The following SUSD5 variants were observed in gnomAD, a reference collection of about 807,000 sequenced individuals.
The protein encoded by SUSD5 is sushi domain containing 5.
SUSD5 carries 33 observed loss-of-function variants against 29.5 expected under a neutral mutation model. The ratio of observed to expected loss-of-function variants is 1.12; its 90% CI spans 0.85 to 1.49. SUSD5 has a LOEUF of 1.49. SUSD5 is among the 40% of genes most tolerant of loss of function. The pLI is 0.00. For synonymous variants in SUSD5, 308 were observed against 325.3 expected (o/e 0.95, Z 0.57); for missense variants, 776 against 800.6 (o/e 0.97, Z 0.37).
At chr3:33,157,962 AAC>A (rs2031091401) in intron 4 of SUSD5, among the ~76,000 whole-genome samples, 1 of 151,858 alleles carries the variant, frequency 6.6e-6, no homozygotes. Context: ...AAAGCTAACT[AAC>A]ACACTAGCAA....
At chr3:33,208,452 T>C (rs1251290512) in intron 2 of SUSD5, among the ~76,000 whole-genome samples, 1 of 152,172 alleles carries the variant, frequency 6.6e-6, no homozygotes, top group Non-Finnish European at 1.5e-5. Flanking sequence ...CAGCAAATAC[T>C]TGAATTTTTA....
At chr3:33,157,050 A>T (rs974784656) in intron 4 of SUSD5, among the ~76,000 whole-genome samples, 1 of 152,232 alleles carries the variant, frequency 6.6e-6, no homozygotes, top group African/African-American at 2.4e-5. Context: ...GACCATTCTA[A>T]TGAGCCTTGT....
At chr3:33,169,714 G>C (rs1290766066) in intron 4 of SUSD5, among the ~76,000 whole-genome samples, 1 of 152,144 alleles carries the variant, frequency 6.6e-6, no homozygotes, top group Non-Finnish European at 1.5e-5. Context: ...ATCAGGGAAG[G>C]GAAAAACAAA....
chr3:33,190,433 AT>A, intron 3 of SUSD5: 2 of 152,530 alleles, frequency 1.3e-5, no homozygotes, highest in South Asian at 4.1e-4. Flanking sequence ...TAGCTTGTTA[AT>A]TTAACATTAT....
chr3:33,174,305 T>C (rs1339421096), intron 4 of SUSD5, among the ~76,000 whole-genome samples: 2 of 152,054 alleles, frequency 1.3e-5, no homozygotes, highest in African/African-American at 4.8e-5. Context: ...ATTGCTCAGG[T>C]GGATCAGAAC....
chr3:33,171,968 T>C (rs1020529923), intron 4 of SUSD5, among the ~76,000 whole-genome samples: 1 of 152,158 alleles, frequency 6.6e-6, no homozygotes. Flanking sequence ...GTTGAGACAG[T>C]GTTTACTCAA....
chr3:33,153,077 G>A lies in SUSD5; in HGVS notation c.1555C>T (p.Gln519Ter), dbSNP rs752423659. The A allele has an allele frequency of 3.1e-6, 5 of 1,613,902 alleles. No individual in the cohort carries two copies. Among genetic ancestry groups the A allele is most frequent in the Non-Finnish European group, 4.2e-6 (5 of 1,179,844 alleles). ...HIPSTIMATT[Q>*]PPVETTVPEI... ...GGAACAGTGGTTTCTACTGGAGGCT[G>A]GGTGGTTGCCATGATCGTTGAGGGG... The change falls in exon 5 of 5, where the codon CAG (glutamine) becomes TAG (stop). Residue 519 changes from glutamine to a stop codon, truncating the protein, a stop_gained. Coordinates refer to ENST00000309558, the MANE Select transcript of SUSD5 (RefSeq NM_015551.2). LOFTEE classifies it high-confidence loss of function.
chr3:33,218,709 G>A lies in SUSD5; in HGVS notation c.89C>T (p.Pro30Leu), dbSNP rs578116304. 5.3e-6 allele frequency: 7 copies of A among 1,323,140 alleles called. No individual in the cohort carries two copies. Among genetic ancestry groups the A allele is most frequent in the East Asian group, 3.1e-5 (1 of 32,182 alleles). 82.0% of individuals were successfully genotyped at this position (1,323,140 alleles called of 1,614,324 possible). A position where few individuals can be genotyped will look rare whatever the true frequency, so the allele number is the denominator to read the frequency against. Residue 30 changes from proline to leucine, a missense_variant, in exon 1 of 5, where the codon CCG becomes CTG. By Grantham distance (98) the Pro-to-Leu change is moderately conservative. Coordinates refer to ENST00000309558, the MANE Select transcript of SUSD5 (RefSeq NM_015551.2). ...ACCATCCGCCCGCACCGAAAGGCGC[G>A]GCAGACCGAGCAGGAGCAGCGCCGC... Reference protein sequence around the residue: ...WAAALLLLGLPRLSVRADGKF... With the variant: ...WAAALLLLGLLRLSVRADGKF...
At chr3:33,197,936 A>G (rs2032025483) in intron 3 of SUSD5, among the ~76,000 whole-genome samples, 1 of 152,058 alleles carries the variant, frequency 6.6e-6, no homozygotes, top group Admixed American at 6.6e-5. Context: ...ATATTTGTGT[A>G]CCCATTTTTG....
rs1234070467 is a variant in SUSD5, at chr3:33,175,023, C to T, written c.461G>A (p.Arg154His). 10 of 1,614,038 alleles carry T rather than the reference C, an allele frequency of 6.2e-6. No individual in the cohort carries two copies. Among genetic ancestry groups the T allele is most frequent in the South Asian group, 2.2e-5 (2 of 91,088 alleles). ...PSFPHTILQG[R>H]TGLEMGDELL... ...TTCATCCCCCATTTCCAAGCCGGTG[C>T]GGCCCTGCAGGATGGTGTGTGGGAA... The change falls in exon 4 of 5, where the codon CGC (arginine) becomes CAC (histidine). Residue 154 changes from arginine (R) to histidine (H), a missense_variant. Arg to His is a conservative substitution (Grantham distance 29, BLOSUM62 0). Transcript: ENST00000309558.
Position 33,153,840 on chromosome 3 carries a change from T to TTTATCCCGGGCTATG in SUSD5, c.777_791dup (p.Asn259_Asp263dup), listed in dbSNP as rs2030981774. On this transcript the variant is annotated inframe_insertion, in exon 5 of 5. Transcript: ENST00000309558. ...GCAAGCCTGTGGTTGGCACAAAGAC[T>TTTATCCCGGGCTATG]TTATCCCGGGCTATGTTTTCTCTCC... The TTTATCCCGGGCTATG allele has an allele frequency of 6.2e-7, 1 of 1,613,906 alleles. No individual in the cohort carries two copies. Among genetic ancestry groups the TTTATCCCGGGCTATG allele is most frequent in the Non-Finnish European group, 8.5e-7 (1 of 1,179,888 alleles).
chr3:33,159,657 T>C (rs752751706), intron 4 of SUSD5, among the ~76,000 whole-genome samples: 7 of 151,896 alleles, frequency 4.6e-5, no homozygotes, highest in Non-Finnish European at 8.8e-5. Flanking sequence ...CGTATATTTT[T>C]CCCTCCCCCA....
At chr3:33,163,016 A>C (rs1337458451) in intron 4 of SUSD5, among the ~76,000 whole-genome samples, 2 of 152,124 alleles carry the variant, frequency 1.3e-5, no homozygotes, top group African/African-American at 2.4e-5. Context: ...ACAAGAGGAA[A>C]TAGAAAAATT....
At chr3:33,218,558 G>A (rs2032466193) in intron 1 of SUSD5, 128 bp downstream of exon 1, 5 of 873,734 alleles carry the variant, frequency 5.7e-6, no homozygotes, top group Non-Finnish European at 7.6e-6. Flanking sequence ...ACCGCGGCTC[G>A]TTCGTTCCTC....
intron 2 of SUSD5, among the ~76,000 whole-genome samples, chr3:33,208,914 A>C (rs1371851239): frequency 6.6e-6 from 1 of 151,990 alleles, no homozygotes; most frequent in African/African-American, 2.4e-5. Flanking sequence ...TACTCCTTCC[A>C]TTTATTCTTT....
Position 33,218,679 on chromosome 3 carries a change from C to T in SUSD5, c.112+7G>A. On this transcript the variant is annotated splice_region_variant and intron_variant, in intron 1 of 4. Transcript: ENST00000309558. ...ACCCCCCGCCCCGCCGCCTCCCGCA[C>T]ACTCACCATCCGCCCGCACCGAAAG... 5 of 1,287,970 alleles carry T rather than the reference C, an allele frequency of 3.9e-6. No individual in the cohort carries two copies. The highest frequency in any genetic ancestry group is 4.9e-6 in the Non-Finnish European group (5 of 1,016,344). 79.8% of individuals were successfully genotyped at this position (1,287,970 alleles called of 1,614,324 possible). A position where few individuals can be genotyped will look rare whatever the true frequency, so the allele number is the denominator to read the frequency against.
At chr3:33,185,385 C>T (rs1345057119) in intron 3 of SUSD5, among the ~76,000 whole-genome samples, 10 of 152,190 alleles carry the variant, frequency 6.6e-5, no homozygotes, top group Non-Finnish European at 1.3e-4. Context: ...GGTAAAACTT[C>T]CAAAAGCATG....
Position 33,153,941 on chromosome 3 carries a change from C to T in SUSD5, c.691G>A (p.Ala231Thr), listed in dbSNP as rs1426089665. The T allele has an allele frequency of 2.5e-6, 4 of 1,614,054 alleles. No individual in the cohort carries two copies. In the South Asian group the frequency reaches 3.3e-5, roughly 13 times the overall value. Reference protein sequence around the residue: ...RELMEDSRTEADEDRGQGDSS... With the variant: ...RELMEDSRTETDEDRGQGDSS... The stretch of plus-strand genomic sequence containing the variant: ...TCTCCCTGACCCCTGTCCTCATCTG[C>T]CTCTGTCCGGGAATCCTCCATGAGC... The change falls in exon 5 of 5, where the codon GCA becomes ACA. Residue 231 changes from alanine (A) to threonine (T), a missense_variant. Physicochemically the swap from Ala to Thr is moderately conservative, Grantham distance 58. Transcript: ENST00000309558.
At chr3:33,175,302 C>A (rs1232117447) in intron 3 of SUSD5, among the ~76,000 whole-genome samples, 1 of 152,158 alleles carries the variant, frequency 6.6e-6, no homozygotes, top group East Asian at 1.9e-4. Context: ...ACATAAAGTG[C>A]TGCAACTTTG....
Sources: gnomAD v4.1 joint callset for allele counts (sites outside exome capture counted in the v4.1 genomes callset) on GRCh38, gnomAD v4.1.1 for gene constraint, MANE v1.5 for transcripts, NCBI Gene and HGNC (gene_info 2026-07-23, HGNC 2026-07-21) for gene names.